Variants in IMMP2L observed in about 807,000 individuals in gnomAD.
IMMP2L encodes the protein mitochondrial inner membrane protease subunit 2.
IMMP2L carries 18 observed loss-of-function variants against 19.3 expected under a neutral mutation model. The ratio of observed to expected loss-of-function variants is 0.93; its 90% CI spans 0.64 to 1.38. IMMP2L has a LOEUF of 1.38. Among genes scored for constraint, IMMP2L ranks in the 40% most tolerant of loss-of-function variants. The pLI is 0.00. For missense variants in IMMP2L, 233 were observed against 218.2 expected (o/e 1.07, Z -0.43); for synonymous variants, 76 against 73.0 (o/e 1.04, Z -0.21).
chr7:111,480,889 T>G (rs1842122832), intron 3 of IMMP2L, among the ~76,000 whole-genome samples: 1 of 152,206 alleles, frequency 6.6e-6, no homozygotes, highest in Non-Finnish European at 1.5e-5. Flanking sequence ...AATTCCATTT[T>G]TAGCAGGTTC....
chr7:110,980,650 C>T (rs1252931548), intron 3 of IMMP2L, among the ~76,000 whole-genome samples: 1 of 152,112 alleles, frequency 6.6e-6, no homozygotes, highest in African/African-American at 2.4e-5. Flanking sequence ...ATTTAGTATA[C>T]ACTGTATGGA....
intron 5 of IMMP2L, among the ~76,000 whole-genome samples, chr7:110,789,516 G>A (rs550300988): frequency 1.3e-5 from 2 of 151,608 alleles, no homozygotes; most frequent in Non-Finnish European, 2.9e-5. Context: ...TAGCCTCTTA[G>A]CCTTCATGTT....
intron 2 of IMMP2L, 49 bp from the exon 3 acceptor site, chr7:111,487,390 C>G (rs776076758): frequency 8.2e-6 from 9 of 1,091,362 alleles, no homozygotes; most frequent in Non-Finnish European, 1.1e-5. Context: ...ATTTTTCAAT[C>G]TTCATGGTTC....
intron 5 of IMMP2L, among the ~76,000 whole-genome samples, chr7:110,829,308 A>G (rs1388004190): frequency 6.6e-6 from 1 of 152,176 alleles, no homozygotes; most frequent in Non-Finnish European, 1.5e-5. Context: ...TAATTCTCAG[A>G]GGAAGGAGAG....
chr7:110,697,391 A>C (rs537911421), intron 5 of IMMP2L, among the ~76,000 whole-genome samples: 1 of 152,324 alleles, frequency 6.6e-6, no homozygotes, highest in Non-Finnish European at 1.5e-5. Flanking sequence ...TACCCTTAAA[A>C]AGAATGGCTA....
rs1229392598 is a variant in IMMP2L, at chr7:111,378,792, T to C, written c.239+108446A>G. On this transcript the variant is annotated intron_variant, in intron 3 of 5. Transcript: ENST00000405709. ...TGAGATCTTCTTGTTACATGATAAGTTGCAGTATCAATTTCTTCAGCTCTA... is the reference window on the plus strand; with the variant it reads ...TGAGATCTTCTTGTTACATGATAAGCTGCAGTATCAATTTCTTCAGCTCTA... Among the ~76,000 whole-genome samples, 2 of 151,906 alleles carry C rather than the reference T, an allele frequency of 1.3e-5. 1 individual carries two copies. The highest frequency in any genetic ancestry group is 4.8e-5 in the African/African-American group (2 of 41,420).
At chr7:110,862,258 G>A (rs1324717912) in intron 5 of IMMP2L, among the ~76,000 whole-genome samples, 1 of 151,464 alleles carries the variant, frequency 6.6e-6, no homozygotes, top group Non-Finnish European at 1.5e-5. Context: ...AAATGGGGCT[G>A]TGTTTTATAC....
chr7:110,895,595 G>C (rs1811243001), intron 4 of IMMP2L, among the ~76,000 whole-genome samples: 1 of 152,076 alleles, frequency 6.6e-6, no homozygotes, highest in South Asian at 2.1e-4. Flanking sequence ...GGATTGCACT[G>C]AATCTATAGA....
intron 1 of IMMP2L, among the ~76,000 whole-genome samples, chr7:111,527,331 T>G (rs1338841647): frequency 6.7e-6 from 1 of 148,894 alleles, no homozygotes; most frequent in Non-Finnish European, 1.5e-5. Context: ...GTGGAAGGAC[T>G]GCTTGAGCTA....
intron 3 of IMMP2L, among the ~76,000 whole-genome samples, chr7:111,480,446 T>G (rs1306484689): frequency 6.6e-6 from 1 of 151,860 alleles, no homozygotes; most frequent in African/African-American, 2.4e-5. Flanking sequence ...TATCAAATAA[T>G]AAGAATAATA....
chr7:111,105,081 T>C (rs111577584), intron 3 of IMMP2L, among the ~76,000 whole-genome samples: 147 of 151,986 alleles, frequency 9.7e-4, no homozygotes, highest in Non-Finnish European at 1.8e-3. Context: ...TCCTATTTCC[T>C]TACTAAAGGT....
At chr7:111,430,124 T>C (rs1836480563) in intron 3 of IMMP2L, among the ~76,000 whole-genome samples, 2 of 151,926 alleles carry the variant, frequency 1.3e-5, no homozygotes, top group South Asian at 2.1e-4. Flanking sequence ...TTTTATCTCA[T>C]AAATTACAAA....
At chr7:110,671,559 C>T (rs1212592487) in intron 5 of IMMP2L, among the ~76,000 whole-genome samples, 1 of 152,132 alleles carries the variant, frequency 6.6e-6, no homozygotes, top group Non-Finnish European at 1.5e-5. Flanking sequence ...ACTGAATTGC[C>T]TGTCTTTGAT....
intron 4 of IMMP2L, among the ~76,000 whole-genome samples, chr7:110,919,827 G>C (rs573056039): frequency 6.6e-6 from 1 of 152,244 alleles, no homozygotes; most frequent in East Asian, 1.9e-4. Context: ...TGAGGGTGTT[G>C]CCGAAGGAGA....
chr7:111,342,515 C>T (rs1259025783), intron 3 of IMMP2L, among the ~76,000 whole-genome samples: 3 of 151,984 alleles, frequency 2.0e-5, no homozygotes, highest in African/African-American at 7.2e-5. Context: ...TCCCTTGAAC[C>T]AGGGAGTTGG....
chr7:110,824,116 G>C (rs535919045), intron 5 of IMMP2L, among the ~76,000 whole-genome samples: 9 of 151,922 alleles, frequency 5.9e-5, no homozygotes, highest in African/African-American at 2.2e-4. Flanking sequence ...GAGATTTAAC[G>C]CTGCTCAACT....
chr7:111,109,774 C>G (rs776503450), intron 3 of IMMP2L, among the ~76,000 whole-genome samples: 2 of 152,072 alleles, frequency 1.3e-5, no homozygotes, highest in Admixed American at 1.3e-4. Context: ...TGACTACTAT[C>G]GCTGTTTTCA....
chr7:111,314,120 A>T (rs1310225622), intron 3 of IMMP2L, among the ~76,000 whole-genome samples: 1 of 152,124 alleles, frequency 6.6e-6, no homozygotes, highest in Non-Finnish European at 1.5e-5. Flanking sequence ...GAACTGAGCC[A>T]ATTAAACCTC....
intron 4 of IMMP2L, among the ~76,000 whole-genome samples, chr7:110,948,233 A>G (rs2129553812): frequency 6.6e-6 from 1 of 152,248 alleles, no homozygotes; most frequent in South Asian, 2.1e-4. Context: ...AACATTTTCC[A>G]ACTCTATAAA....
Sources: gnomAD v4.1 joint callset for allele counts (sites outside exome capture counted in the v4.1 genomes callset) on GRCh38, gnomAD v4.1.1 for gene constraint, MANE v1.5 for transcripts, NCBI Gene and HGNC (gene_info 2026-07-23, HGNC 2026-07-21) for gene names.